CAPS2: variants seen among roughly 807,000 people sequenced by gnomAD.
CAPS2 encodes calcyphosin-2.
CAPS2 carries 98 observed loss-of-function variants against 86.5 expected under a neutral mutation model. That is an observed-to-expected ratio of 1.13 (90% CI 0.96 to 1.34). The LOEUF (loss-of-function observed/expected upper bound fraction) is 1.34. Among genes scored for constraint, CAPS2 ranks in the 40% most tolerant of loss-of-function variants. The pLI is 0.00. For missense variants in CAPS2, 729 were observed against 686.8 expected, an observed-to-expected ratio of 1.06 and a Z score of -0.69; for synonymous variants, 210 against 225.1, an observed-to-expected ratio of 0.93 and a Z score of 0.60.
chr12:75,379,649 GTCCTGC>G (rs954427680), intron 1 of CAPS2, among the ~76,000 whole-genome samples: 38 of 152,080 alleles, frequency 2.5e-4, no homozygotes, highest in African/African-American at 8.9e-4. Context: ...AGATTCTCTC[GTCCTGC>G]TAGGACAAGT....
At chr12:75,351,991 G>C (rs954132471) in intron 1 of CAPS2, among the ~76,000 whole-genome samples, 4 of 152,142 alleles carry the variant, frequency 2.6e-5, no homozygotes, top group Non-Finnish European at 4.4e-5. Context: ...TGCCTTGCAA[G>C]AGCTCCTGAA....
chr12:75,361,193 G>C (rs951525486), intron 1 of CAPS2, among the ~76,000 whole-genome samples: 6 of 151,924 alleles, frequency 3.9e-5, no homozygotes, highest in East Asian at 3.9e-4. Flanking sequence ...TGGTCTGTTG[G>C]TATGCCAAAA....
At chr12:75,385,443 A>G (rs2045241182) in intron 1 of CAPS2, among the ~76,000 whole-genome samples, 1 of 152,152 alleles carries the variant, frequency 6.6e-6, no homozygotes, top group East Asian at 1.9e-4. Context: ...AATAGTAGGA[A>G]ACTTCCCTGA....
At chr12:75,348,751 G>A (rs568598695) in intron 1 of CAPS2, among the ~76,000 whole-genome samples, 187 of 152,316 alleles carry the variant, frequency 1.2e-3, no homozygotes, top group Admixed American at 1.7e-3. Context: ...CCCTGGCCAA[G>A]TGGTAGGGAC....
intron 4 of CAPS2, among the ~76,000 whole-genome samples, chr12:75,322,213 C>T (rs1159397970): frequency 2.0e-5 from 3 of 151,898 alleles, no homozygotes; most frequent in East Asian, 1.9e-4. Context: ...TTACAGTGAC[C>T]GAAATATTAT....
chr12:75,292,512 AATG>A (rs1294678406), intron 12 of CAPS2, among the ~76,000 whole-genome samples: 1 of 150,034 alleles, frequency 6.7e-6, no homozygotes, highest in African/African-American at 2.4e-5. Flanking sequence ...CAATATAGTA[AATG>A]ATGAAGAAAC....
intron 1 of CAPS2, among the ~76,000 whole-genome samples, chr12:75,365,773 C>A (rs1454252099): frequency 6.6e-6 from 1 of 151,512 alleles, no homozygotes; most frequent in Non-Finnish European, 1.5e-5. Context: ...ATTTTTATAC[C>A]CTATGAATTG....
intron 7 of CAPS2, among the ~76,000 whole-genome samples, chr12:75,306,525 C>T (rs2038521898): frequency 6.6e-6 from 1 of 152,186 alleles, no homozygotes. Context: ...TTGGGTACTA[C>T]TGTGTAGTGT....
intron 16 of CAPS2, among the ~76,000 whole-genome samples, chr12:75,280,868 G>C (rs2033822081): frequency 1.3e-5 from 2 of 151,752 alleles, no homozygotes; most frequent in African/African-American, 4.8e-5. Flanking sequence ...GAGGGTTAAT[G>C]ATGACGAGAA....
intron 1 of CAPS2, among the ~76,000 whole-genome samples, chr12:75,368,594 T>A (rs866106197): frequency 6.7e-6 from 1 of 149,696 alleles, no homozygotes; most frequent in African/African-American, 2.5e-5. Context: ...CCTTGTTAAC[T>A]TTTTTTATTT....
At chr12:75,329,836 A>G (rs1231920429), upstream of CAPS2, 2 of 1,545,652 alleles carry the variant, frequency 1.3e-6, no homozygotes, top group Non-Finnish European at 1.7e-6. Flanking sequence ...GAGCACCTGC[A>G]GTGTAGCAGA....
chr12:75,341,813 G>A (rs2042141347), intron 1 of CAPS2, among the ~76,000 whole-genome samples: 1 of 129,010 alleles, frequency 7.8e-6, no homozygotes, highest in South Asian at 2.5e-4. Context: ...GCAATGGCAC[G>A]GTCTTGGCTC....
chr12:75,367,013 G>T (rs2044015291), intron 1 of CAPS2: 1 of 701,348 alleles, frequency 1.4e-6, no homozygotes, highest in Non-Finnish European at 2.6e-6. Context: ...GAGCTGAGGA[G>T]GTAAGTCTCT....
chr12:75,280,754 A>G (rs2033805935), intron 16 of CAPS2, among the ~76,000 whole-genome samples: 2 of 151,872 alleles, frequency 1.3e-5, no homozygotes, highest in African/African-American at 4.8e-5. Context: ...TCGACAAGAA[A>G]TAGATAATTA....
At chr12:75,281,801 T>G (rs533173212) in intron 16 of CAPS2, among the ~76,000 whole-genome samples, 2 of 152,216 alleles carry the variant, frequency 1.3e-5, no homozygotes, top group African/African-American at 4.8e-5. Flanking sequence ...CTTTAGGGAA[T>G]TTACAATATC....
intron 11 of CAPS2, among the ~76,000 whole-genome samples, chr12:75,294,009 T>A (rs1033687446): frequency 6.6e-6 from 1 of 152,200 alleles, no homozygotes; most frequent in African/African-American, 2.4e-5. Flanking sequence ...CTCTGCTCAC[T>A]GCAGCCTCTG....
chr12:75,296,075 C>T (rs1477550442), intron 11 of CAPS2, among the ~76,000 whole-genome samples: 1 of 152,112 alleles, frequency 6.6e-6, no homozygotes, highest in Non-Finnish European at 1.5e-5. Context: ...CTGGGCAGAA[C>T]ACTTAGTAGA....
chr12:75,323,984 G>A (rs759589419), intron 2 of CAPS2, among the ~76,000 whole-genome samples: 2 of 152,066 alleles, frequency 1.3e-5, no homozygotes, highest in African/African-American at 4.8e-5. Context: ...AATAGGACTT[G>A]GTTTAATATT....
exon 15 of CAPS2, chr12:75,284,992 A>T: frequency 6.2e-7 from 1 of 1,608,440 alleles, no homozygotes; most frequent in South Asian, 1.1e-5. Context: ...GTATTCATTC[A>T]TTTCACCAAT....
Sources: allele counts gnomAD v4.1 joint callset (sites outside exome capture counted in the v4.1 genomes callset), GRCh38; gene constraint gnomAD v4.1.1; transcripts MANE v1.5; gene names NCBI Gene and HGNC (gene_info 2026-07-23, HGNC 2026-07-21).